ATXN3: variants seen among roughly 807,000 people sequenced by gnomAD.
ATXN3 encodes the protein ataxin 3.
In ATXN3, 28 loss-of-function variants were observed where a neutral mutation model predicts 58.2. The observed-to-expected ratio is 0.48, with a 90% confidence interval of 0.36 to 0.66. The LOEUF (loss-of-function observed/expected upper bound fraction) is 0.66, where lower values mean the gene tolerates loss of function less well. Among genes scored for constraint, ATXN3 ranks in the 30% least tolerant of loss-of-function variants. ATXN3 has a pLI of 0.00. For missense variants in ATXN3, 321 were observed against 422.1 expected, an observed-to-expected ratio of 0.76 and a Z score of 2.10; for synonymous variants, 113 against 138.5, an observed-to-expected ratio of 0.82 and a Z score of 1.29.
intron 6 of ATXN3, among the ~76,000 whole-genome samples, chr14:92,085,081 T>C (rs1392922247): frequency 2.0e-5 from 3 of 152,180 alleles, no homozygotes; most frequent in African/African-American, 7.2e-5. Context: ...ATAATAAATA[T>C]GCCAGCTCAC....
chr14:92,095,776 C>G (rs2064786448), intron 3 of ATXN3, among the ~76,000 whole-genome samples: 1 of 151,468 alleles, frequency 6.6e-6, no homozygotes, highest in Non-Finnish European at 1.5e-5. Flanking sequence ...CCCACTATCT[C>G]TACTAAAAAT....
chr14:92,096,956 G>A (rs538606816), intron 1 of ATXN3, 118 bp from the exon 2 acceptor site: 22 of 843,284 alleles, frequency 2.6e-5, no homozygotes, highest in Middle Eastern at 3.5e-4. Flanking sequence ...CACCCAGGCC[G>A]GAGTGCAGTG....
At chr14:92,065,678 G>C (rs542986852) in intron 10 of ATXN3, among the ~76,000 whole-genome samples, 1 of 152,216 alleles carries the variant, frequency 6.6e-6, no homozygotes, top group East Asian at 1.9e-4. Context: ...TTAGGAGATG[G>C]AGACCATCCT....
chr14:92,071,303 T>G, intron 9 of ATXN3: 1 of 664,096 alleles, frequency 1.5e-6, no homozygotes, highest in Non-Finnish European at 2.6e-6. Context: ...CATCACAAAA[T>G]AACCTATCAT....
At chr14:92,106,388 A>G (rs1291948587) in intron 1 of ATXN3, 141 bp downstream of exon 1, 1 of 1,045,082 alleles carries the variant, frequency 9.6e-7, no homozygotes, top group Non-Finnish European at 1.4e-6. Context: ...AGGAGGCGGG[A>G]GGCTGCGGCG....
intron 9 of ATXN3, among the ~76,000 whole-genome samples, chr14:92,078,694 T>C (rs998053635): frequency 6.6e-6 from 1 of 152,146 alleles, no homozygotes; most frequent in Admixed American, 6.6e-5. Flanking sequence ...ACTAGATAAT[T>C]GATGATATAG....
chr14:92,076,705 C>T (rs973036801), intron 9 of ATXN3, among the ~76,000 whole-genome samples: 7 of 151,628 alleles, frequency 4.6e-5, no homozygotes, highest in Non-Finnish European at 7.4e-5. Context: ...TTTGGGAGGC[C>T]GAGGTAGGCA....
intron 4 of ATXN3, 75 bp from the exon 5 acceptor site, chr14:92,093,393 T>C (rs1374036686): frequency 6.6e-6 from 5 of 762,618 alleles, no homozygotes; most frequent in Non-Finnish European, 8.5e-6. Flanking sequence ...AAATATTATA[T>C]AAAATTTGTG....
intron 5 of ATXN3, among the ~76,000 whole-genome samples, chr14:92,092,190 T>C (rs1424452435): frequency 4.6e-5 from 7 of 152,196 alleles, no homozygotes; most frequent in Non-Finnish European, 8.8e-5. Flanking sequence ...TCTGCACTTT[T>C]CTAGACTTTT....
At chr14:92,055,789 C>T (rs760569811), downstream of ATXN3, among the ~76,000 whole-genome samples, 30 of 152,108 alleles carry the variant, frequency 2.0e-4, no homozygotes, top group Admixed American at 1.6e-3. The surrounding 1 kb of genome is among the most constrained non-coding windows in gnomAD (Gnocchi z 4.5). Context: ...GGCAAAACTG[C>T]GTCTCTACTA....
At chr14:92,073,778 G>A (rs1460081752) in intron 9 of ATXN3, among the ~76,000 whole-genome samples, 2 of 151,970 alleles carry the variant, frequency 1.3e-5, no homozygotes, top group Non-Finnish European at 2.9e-5. Flanking sequence ...GGCGGAGGTT[G>A]TAGTGAGCCC....
At chr14:92,081,893 G>A (rs560676740) in intron 8 of ATXN3, among the ~76,000 whole-genome samples, 10 of 152,072 alleles carry the variant, frequency 6.6e-5, no homozygotes, top group South Asian at 2.1e-4. Context: ...GTGGGCTTAC[G>A]GTTTAAGTTG....
At chr14:92,065,842 C>T (rs1191751860) in intron 10 of ATXN3, among the ~76,000 whole-genome samples, 1 of 152,080 alleles carries the variant, frequency 6.6e-6, no homozygotes, top group Non-Finnish European at 1.5e-5. Flanking sequence ...GATGGCGCCA[C>T]TGCACTCCAG....
At chr14:92,066,109 T>TAAA (rs1248446042) in intron 10 of ATXN3, among the ~76,000 whole-genome samples, 1 of 148,440 alleles carries the variant, frequency 6.7e-6, no homozygotes, top group African/African-American at 2.5e-5. Flanking sequence ...AATAAATAAA[T>TAAA]TTCTGTTTCT....
rs751439402 is a variant in ATXN3, at chr14:92,106,580, C to T, written c.-28G>A. ...TTATTTGTCTGGAGCCAACGGCCCC[C>T]ACGCCGAACCACCCCCTCCAGCTCC... On this transcript the variant is annotated 5_prime_UTR_variant, in exon 1 of 11. Transcript: ENST00000644486. The T allele has an allele frequency of 1.2e-6, 2 of 1,610,606 alleles. No individual in the cohort carries two copies. The highest frequency in any genetic ancestry group is 1.7e-6 in the Non-Finnish European group (2 of 1,178,086).
At chr14:92,053,391 CAATGT>C (rs2057454825), upstream of ATXN3, among the ~76,000 whole-genome samples, 1 of 151,862 alleles carries the variant, frequency 6.6e-6, no homozygotes, top group Non-Finnish European at 1.5e-5. Context: ...AAGTTCTGGC[CAATGT>C]AATGTAAACG....
At chr14:92,096,347 G>A (rs1246344495) in intron 2 of ATXN3, 62 of 1,414,722 alleles carry the variant, frequency 4.4e-5, no homozygotes, top group Non-Finnish European at 5.3e-5. Context: ...AATGTAAGCC[G>A]GGTGTGGTGG....
chr14:92,049,051 A>G (rs1348950031), intron 1 of ATXN3, among the ~76,000 whole-genome samples: 2 of 152,206 alleles, frequency 1.3e-5, no homozygotes, highest in African/African-American at 2.4e-5. Flanking sequence ...CCAAAGTGCT[A>G]TTCTCTGGCC....
chr14:92,095,954 A>G (rs1433538095), intron 3 of ATXN3, 139 bp downstream of exon 3: 4 of 716,882 alleles, frequency 5.6e-6, no homozygotes, highest in African/African-American at 3.6e-5. Flanking sequence ...GAAAAAAAAA[A>G]TCTAGTACTC....
Sources: allele counts gnomAD v4.1 joint callset (sites outside exome capture counted in the v4.1 genomes callset), GRCh38; gene constraint gnomAD v4.1.1; non-coding constraint Gnocchi (gnomAD v3.1); transcripts MANE v1.5; gene names NCBI Gene and HGNC (gene_info 2026-07-23, HGNC 2026-07-21).